OR51B5: variants seen among roughly 807,000 people sequenced by gnomAD.
OR51B5 encodes the protein olfactory receptor family 51 subfamily B member 5.
For missense variants in OR51B5, 456 were observed against 374.6 expected, an observed-to-expected ratio of 1.22 and a Z score of -1.79; for synonymous variants, 186 against 144.8, an observed-to-expected ratio of 1.28 and a Z score of -2.04.
Position 5,453,319 on chromosome 11 carries a change from C to T in OR51B5, n.84+52250G>A, listed in dbSNP as rs531084603. ...ATAAAATATGAAGAAAAGGAGTTTGCCTGCATCATCTCAAAAGCAGTGATT... is the reference window on the plus strand; with the variant it reads ...ATAAAATATGAAGAAAAGGAGTTTGTCTGCATCATCTCAAAAGCAGTGATT... On this transcript the variant is annotated intron_variant and non_coding_transcript_variant, in intron 1 of 4. Coordinates refer to the OR51B5 transcript ENST00000415970. The T allele has an allele frequency of 1.2e-4, 53 of 455,728 alleles. 1 individual carries two copies. The highest frequency in any genetic ancestry group is 9.8e-4 in the African/African-American group (49 of 49,922). 28.2% of individuals were successfully genotyped at this position (455,728 alleles called of 1,614,324 possible).
At chr11:5,351,683 ATTTC>A (rs1564915990) in intron 1 of OR51B5, 1 of 1,614,000 alleles carries the variant, frequency 6.2e-7, no homozygotes, top group Admixed American at 1.7e-5. Flanking sequence ...CCCATGTACT[ATTTC>A]TTAGCTATGT....
At chr11:5,387,280 C>G (rs1849709785) in intron 1 of OR51B5, among the ~76,000 whole-genome samples, 1 of 151,864 alleles carries the variant, frequency 6.6e-6, no homozygotes, top group Non-Finnish European at 1.5e-5. Flanking sequence ...AACTATTGCA[C>G]AAAAAAATCA....
At chr11:5,342,562 G>T, downstream of OR51B5, 1 of 1,547,898 alleles carries the variant, frequency 6.5e-7, no homozygotes, top group Non-Finnish European at 8.7e-7. Context: ...TACATTCTGT[G>T]AGAGTGACTG....
At chr11:5,449,427 C>T (rs897220328) in intron 1 of OR51B5, 4 of 152,320 alleles carry the variant, frequency 2.6e-5, no homozygotes, top group Admixed American at 6.6e-5. Context: ...TCCATGAAAG[C>T]ATTAGACTGG....
At chr11:5,440,952 T>G in intron 1 of OR51B5, 3 of 1,613,932 alleles carry the variant, frequency 1.9e-6, no homozygotes, top group Non-Finnish European at 2.5e-6. Context: ...ACATGCTACT[T>G]TCATGAGATC....
intron 1 of OR51B5, among the ~76,000 whole-genome samples, chr11:5,418,172 G>A (rs536144320): frequency 2.3e-4 from 35 of 151,662 alleles, no homozygotes; most frequent in South Asian, 1.3e-3. Context: ...ACCAAACACC[G>A]CATATTCTCA....
chr11:5,422,293 C>G (rs375654514), intron 1 of OR51B5: 21 of 1,613,996 alleles, frequency 1.3e-5, no homozygotes, highest in Non-Finnish European at 1.8e-5. Flanking sequence ...GGATCTCCAT[C>G]CCCGTCTGCT....
At chr11:5,435,879 A>G (rs1850585618) in intron 1 of OR51B5, among the ~76,000 whole-genome samples, 1 of 152,130 alleles carries the variant, frequency 6.6e-6, no homozygotes, top group South Asian at 2.1e-4. Context: ...GACTTTTTCT[A>G]TTTTATTAAA....
At chr11:5,364,941 G>A (rs1849343016) in intron 1 of OR51B5, among the ~76,000 whole-genome samples, 1 of 148,172 alleles carries the variant, frequency 6.7e-6, no homozygotes, top group South Asian at 2.1e-4. Context: ...GATACACAAG[G>A]AGAAGCAGAG....
intron 1 of OR51B5, among the ~76,000 whole-genome samples, chr11:5,495,816 A>G (rs1284426333): frequency 6.6e-6 from 1 of 152,224 alleles, no homozygotes; most frequent in Non-Finnish European, 1.5e-5. Flanking sequence ...ACAAGATCCA[A>G]CTATATACCG....
intron 1 of OR51B5, among the ~76,000 whole-genome samples, chr11:5,428,967 G>A (rs1850490919): frequency 6.6e-6 from 1 of 152,142 alleles, no homozygotes; most frequent in Non-Finnish European, 1.5e-5. Flanking sequence ...CAAGATTTGT[G>A]ACTGCTCCAA....
chr11:5,474,228 A>G (rs1851270959), intron 1 of OR51B5, among the ~76,000 whole-genome samples: 1 of 152,166 alleles, frequency 6.6e-6, no homozygotes. Flanking sequence ...TGAAATTCAA[A>G]GAGATTACAC....
chr11:5,433,428 A>C (rs540153756), intron 1 of OR51B5, among the ~76,000 whole-genome samples: 3 of 152,336 alleles, frequency 2.0e-5, no homozygotes, highest in African/African-American at 7.2e-5. Flanking sequence ...TCCAATCACC[A>C]GTTCACACAT....
intron 1 of OR51B5, chr11:5,351,390 G>C (rs1849082940): frequency 2.8e-6 from 2 of 710,242 alleles, no homozygotes; most frequent in Admixed American, 3.0e-5. Flanking sequence ...TGCTGTCACT[G>C]AAAGTCAGGA....
chr11:5,417,492 C>T (rs1850261284), intron 1 of OR51B5, among the ~76,000 whole-genome samples: 2 of 151,132 alleles, frequency 1.3e-5, no homozygotes, highest in African/African-American at 2.4e-5. Context: ...GAACAGGCAA[C>T]CCACAAAATG....
chr11:5,496,829 A>G (rs543031596), intron 1 of OR51B5, among the ~76,000 whole-genome samples: 3 of 152,318 alleles, frequency 2.0e-5, no homozygotes, highest in South Asian at 2.1e-4. Context: ...CCTGCTCTCA[A>G]TAGCACTTGG....
At chr11:5,471,864 T>C (rs1851234920) in intron 1 of OR51B5, among the ~76,000 whole-genome samples, 1 of 152,056 alleles carries the variant, frequency 6.6e-6, no homozygotes, top group African/African-American at 2.4e-5. Flanking sequence ...TAATGCAAAG[T>C]AAACATTGAA....
intron 1 of OR51B5, among the ~76,000 whole-genome samples, chr11:5,408,693 T>A (rs1224538672): frequency 1.3e-5 from 2 of 152,010 alleles, no homozygotes; most frequent in Non-Finnish European, 2.9e-5. Flanking sequence ...CATTTTATAA[T>A]CCAAACATAA....
At chr11:5,496,337 CTTG>C in intron 1 of OR51B5, among the ~76,000 whole-genome samples, 2 of 854 alleles carry the variant, frequency 2.3e-3, no homozygotes, top group Non-Finnish European at 5.6e-3. Flanking sequence ...ATTTCCATGC[CTTG>C]TTGTAATGAT....
Sources: allele counts gnomAD v4.1 joint callset (sites outside exome capture counted in the v4.1 genomes callset), GRCh38; gene constraint gnomAD v4.1.1; transcripts MANE v1.5; gene names NCBI Gene and HGNC (gene_info 2026-07-23, HGNC 2026-07-21).